The following MID1 variants were observed in gnomAD, a reference collection of about 807,000 sequenced individuals.
MID1 encodes the protein E3 ubiquitin-protein ligase Midline-1.
A neutral mutation model predicts 40.4 loss-of-function variants in MID1; 7 were observed. That is an observed-to-expected ratio of 0.17 (90% confidence interval 0.10 to 0.33). The LOEUF is 0.33. Ranked by LOEUF, MID1 falls within the 10% of genes least tolerant of loss-of-function variation. The pLI is 1.00. For missense variants in MID1, 367 were observed against 558.5 expected, an observed-to-expected ratio of 0.66 and a Z score of 3.46; for synonymous variants, 229 against 221.2, an observed-to-expected ratio of 1.04 and a Z score of -0.31.
chrX:10,769,773 C>T (rs950221067), intron 1 of MID1, among the ~76,000 whole-genome samples: 1 of 111,308 alleles, frequency 9.0e-6, no homozygotes, highest in African/African-American at 3.3e-5. Flanking sequence ...GGCTTCATAC[C>T]GCCTGGACAG....
At chrX:10,540,057 T>TG (rs1484701206) in intron 2 of MID1, among the ~76,000 whole-genome samples, 1 of 112,167 alleles carries the variant, frequency 8.9e-6, no homozygotes, top group Non-Finnish European at 1.9e-5. Context: ...AAAAGTTAGC[T>TG]GGCTGTGGTT....
intron 1 of MID1, among the ~76,000 whole-genome samples, chrX:10,634,174 G>A (rs182811045): frequency 1.8e-5 from 2 of 111,473 alleles, no homozygotes; most frequent in Admixed American, 9.6e-5. Context: ...ATACCTATGT[G>A]TATGCTAAAA....
chrX:10,632,412 C>G (rs1936062617), intron 1 of MID1, among the ~76,000 whole-genome samples: 2 of 111,439 alleles, frequency 1.8e-5, no homozygotes, highest in African/African-American at 6.5e-5. Context: ...GATACGGGTG[C>G]CTGAGTCCCA....
At chrX:10,638,374 G>A (rs903323374) in intron 1 of MID1, among the ~76,000 whole-genome samples, 7 of 112,196 alleles carry the variant, frequency 6.2e-5, no homozygotes, top group Admixed American at 3.8e-4. Flanking sequence ...CGCATGGCTC[G>A]GAGGGTCCCA....
At chrX:10,687,196 G>A (rs763004788) in intron 1 of MID1, among the ~76,000 whole-genome samples, 1 of 111,926 alleles carries the variant, frequency 8.9e-6, no homozygotes, top group South Asian at 3.8e-4. Context: ...GGGCCAAATA[G>A]ATAGAGCCAT....
At chrX:10,551,181 T>C (rs1933895170) in intron 2 of MID1, among the ~76,000 whole-genome samples, 1 of 112,652 alleles carries the variant, frequency 8.9e-6, no homozygotes, top group Non-Finnish European at 1.9e-5. Context: ...TAGAGATTTT[T>C]TAAAAGTCTA....
intron 1 of MID1, among the ~76,000 whole-genome samples, chrX:10,685,053 T>C (rs993411628): frequency 2.7e-5 from 3 of 112,126 alleles, no homozygotes; most frequent in Non-Finnish European, 5.6e-5. Context: ...ATTACTCCTT[T>C]AGTGTTTATT....
intron 1 of MID1, among the ~76,000 whole-genome samples, chrX:10,647,629 A>T (rs1217492707): frequency 8.9e-6 from 1 of 112,010 alleles, no homozygotes; most frequent in African/African-American, 3.2e-5. Context: ...TAAGTAAGTT[A>T]TCTATTTGGG....
At chrX:10,618,948 T>C (rs753906867) in intron 1 of MID1, among the ~76,000 whole-genome samples, 8 of 112,202 alleles carry the variant, frequency 7.1e-5, no homozygotes, top group African/African-American at 2.6e-4. Flanking sequence ...CATCCCACTT[T>C]AGTAGACATT....
chrX:10,746,634 A>C (rs2043559037), intron 1 of MID1, among the ~76,000 whole-genome samples: 1 of 110,988 alleles, frequency 9.0e-6, no homozygotes, highest in African/African-American at 3.3e-5. Flanking sequence ...TGGGAATCCA[A>C]ATTCTTCTTT....
At chrX:10,790,650 T>C (rs1471580983) in intron 1 of MID1, among the ~76,000 whole-genome samples, 1 of 111,291 alleles carries the variant, frequency 9.0e-6, no homozygotes, top group African/African-American at 3.3e-5. Flanking sequence ...CTACAGCTGA[T>C]GCAAGTCTCT....
chrX:10,673,550 T>C (rs747444880), intron 1 of MID1, among the ~76,000 whole-genome samples: 10 of 111,912 alleles, frequency 8.9e-5, no homozygotes, highest in Admixed American at 1.9e-4. Context: ...GTCCAATCCA[T>C]AGTTACATGT....
chrX:10,763,862 C>T (rs2147122136), intron 1 of MID1, among the ~76,000 whole-genome samples: 1 of 112,195 alleles, frequency 8.9e-6, no homozygotes, highest in South Asian at 3.7e-4. Context: ...GCCATTCTAA[C>T]TGGTGTGAGA....
intron 1 of MID1, among the ~76,000 whole-genome samples, chrX:10,730,195 G>A (rs941533519): frequency 9.0e-6 from 1 of 111,074 alleles, no homozygotes; most frequent in Non-Finnish European, 1.9e-5. Flanking sequence ...GTTATGTAGA[G>A]TATAGATTTG....
rs1296669168 is a variant in MID1 at position 10,620,398 on chromosome X, G to A, written c.-165C>T. On this transcript the variant is annotated 5_prime_UTR_variant, in exon 1 of 10. Coordinates refer to ENST00000317552, the MANE Select transcript of MID1 (RefSeq NM_000381.4). The stretch of plus-strand genomic sequence containing the variant: ...CACCGAACCCGACAGGAGCCCGCAA[G>A]ACAAAAGCAACCCGGCGAAATCTAC... 8.9e-6 allele frequency: 1 copy of A among 112,893 alleles called. No homozygotes were observed. The highest frequency in any genetic ancestry group is 1.9e-5 in the Non-Finnish European group (1 of 53,331). The allele number at this position is 112,893 out of a possible 1,213,427, so 9.3% of individuals were successfully genotyped here.
chrX:10,589,547 C>T (rs1935229030), intron 1 of MID1: 1 of 111,997 alleles, frequency 8.9e-6, no homozygotes, highest in Non-Finnish European at 1.9e-5. Context: ...ACCACGCTTC[C>T]ACACAAATGG....
chrX:10,629,307 C>T (rs2147554391), intron 1 of MID1, among the ~76,000 whole-genome samples: 1 of 110,611 alleles, frequency 9.0e-6, no homozygotes, highest in South Asian at 3.9e-4. Context: ...AAGCTATTCT[C>T]CAGCCTCAGC....
intron 1 of MID1, among the ~76,000 whole-genome samples, chrX:10,571,969 AG>A (rs1934739306): frequency 9.1e-6 from 1 of 109,558 alleles, no homozygotes; most frequent in Admixed American, 9.8e-5. Flanking sequence ...AACTCTATAT[AG>A]GGGGAGAGGA....
intron 1 of MID1, among the ~76,000 whole-genome samples, chrX:10,612,145 C>A: frequency 8.9e-6 from 1 of 112,084 alleles, no homozygotes; most frequent in Non-Finnish European, 1.9e-5. Flanking sequence ...CTCTTCCAGA[C>A]TGAGAAGCAT....
Sources: allele counts gnomAD v4.1 joint callset (sites outside exome capture counted in the v4.1 genomes callset), GRCh38; gene constraint gnomAD v4.1.1; transcripts MANE v1.5; gene names NCBI Gene and HGNC (gene_info 2026-07-23, HGNC 2026-07-21).